ACVR1: variants seen among roughly 807,000 people sequenced by gnomAD.
ACVR1 encodes the protein activin receptor type-1.
Under a neutral mutation model 57.1 loss-of-function variants are expected in ACVR1, and 38 were observed. That is an observed-to-expected ratio of 0.67 (90% CI 0.51 to 0.87). ACVR1 has a LOEUF of 0.87. ACVR1 is among the 40% of genes least tolerant of loss of function. The pLI is 0.00. For missense variants in ACVR1, 463 were observed against 638.2 expected, an observed-to-expected ratio of 0.73 and a Z score of 2.96; for synonymous variants, 212 against 228.1, an observed-to-expected ratio of 0.93 and a Z score of 0.63.
intron 9 of ACVR1, among the ~76,000 whole-genome samples, chr2:157,749,946 T>C (rs762151984): frequency 2.0e-5 from 3 of 152,238 alleles, no homozygotes; most frequent in Non-Finnish European, 4.4e-5. Flanking sequence ...ATGTGCATCA[T>C]CTGGGTGCCT....
intron 6 of ACVR1, among the ~76,000 whole-genome samples, chr2:157,771,651 T>G (rs1265544058): frequency 6.6e-6 from 1 of 152,124 alleles, no homozygotes; most frequent in Non-Finnish European, 1.5e-5. Flanking sequence ...ACTAAGTCAC[T>G]GAAAACCCAA....
intron 8 of ACVR1, among the ~76,000 whole-genome samples, chr2:157,764,410 G>T (rs1685786117): frequency 7.0e-6 from 1 of 142,662 alleles, no homozygotes; most frequent in South Asian, 2.2e-4. Context: ...GTTTCATCAC[G>T]TTCGCCAGGC....
chr2:157,804,310 A>T (rs1687440001), intron 2 of ACVR1, among the ~76,000 whole-genome samples: 1 of 152,226 alleles, frequency 6.6e-6, no homozygotes, highest in Admixed American at 6.5e-5. Context: ...TAGAAATTTC[A>T]TTAACCTCTC....
chr2:157,758,847 G>A, intron 9 of ACVR1, among the ~76,000 whole-genome samples: 1 of 151,922 alleles, frequency 6.6e-6, no homozygotes, highest in Non-Finnish European at 1.5e-5. Context: ...AGAAACTCTG[G>A]AAACTGTACA....
At chr2:157,759,010 G>A (rs530564695) in intron 9 of ACVR1, among the ~76,000 whole-genome samples, 1 of 152,062 alleles carries the variant, frequency 6.6e-6, no homozygotes, top group African/African-American at 2.4e-5. Flanking sequence ...TAACAGGGAA[G>A]TCTGTAACAA....
chr2:157,823,021 CTTATT>C (rs1315898138), intron 1 of ACVR1, among the ~76,000 whole-genome samples: 2 of 152,188 alleles, frequency 1.3e-5, no homozygotes, highest in African/African-American at 4.8e-5. Context: ...TGCATATAAA[CTTATT>C]TTATTTGCAA....
chr2:157,767,944 T>G (rs1685928350), intron 7 of ACVR1, among the ~76,000 whole-genome samples: 1 of 152,166 alleles, frequency 6.6e-6, no homozygotes, highest in African/African-American at 2.4e-5. Context: ...TATGCAATCC[T>G]CCAAAAACCA....
chr2:157,772,065 C>A (rs1686089172), intron 6 of ACVR1, among the ~76,000 whole-genome samples: 1 of 152,084 alleles, frequency 6.6e-6, no homozygotes, highest in African/African-American at 2.4e-5. Flanking sequence ...TACAAAATTA[C>A]CTCAAATCCT....
chr2:157,769,122 G>A (rs573490277), intron 7 of ACVR1, among the ~76,000 whole-genome samples: 3 of 152,310 alleles, frequency 2.0e-5, no homozygotes, highest in South Asian at 4.1e-4. Context: ...GAGTGATCAA[G>A]AGCAACCTGA....
chr2:157,770,226 A>C (rs1686021155), intron 7 of ACVR1, 142 bp downstream of exon 7: 1 of 849,038 alleles, frequency 1.2e-6, no homozygotes, highest in South Asian at 1.6e-5. Context: ...TGAGAAAATT[A>C]AACAGCATAT....
At chr2:157,743,372 T>A (rs1684850341) in intron 9 of ACVR1, among the ~76,000 whole-genome samples, 1 of 152,140 alleles carries the variant, frequency 6.6e-6, no homozygotes, top group Non-Finnish European at 1.5e-5. Context: ...CTTGATCTAT[T>A]TATTTATAAT....
intron 8 of ACVR1, among the ~76,000 whole-genome samples, chr2:157,764,601 C>T (rs1685795019): frequency 6.6e-6 from 1 of 152,126 alleles, no homozygotes. Flanking sequence ...CCAACCCCAT[C>T]CGCCTTCGCC....
intron 1 of ACVR1, among the ~76,000 whole-genome samples, chr2:157,860,397 A>T (rs533851678): frequency 4.6e-5 from 7 of 152,356 alleles, no homozygotes; most frequent in Non-Finnish European, 1.0e-4. Context: ...TGTGTTCAGC[A>T]GAATGCTACC....
intron 9 of ACVR1, among the ~76,000 whole-genome samples, chr2:157,758,035 T>G (rs1463136527): frequency 1.3e-5 from 2 of 151,948 alleles, no homozygotes; most frequent in African/African-American, 4.8e-5. Flanking sequence ...AAATATAGAC[T>G]TGGTTAAATA....
intron 3 of ACVR1, among the ~76,000 whole-genome samples, chr2:157,781,047 T>G (rs1686502206): frequency 1.3e-5 from 2 of 152,216 alleles, no homozygotes; most frequent in African/African-American, 4.8e-5. Context: ...AATACTAATT[T>G]TTGCTAGCTC....
chr2:157,800,291 A>G (rs985794637), intron 2 of ACVR1, among the ~76,000 whole-genome samples: 2 of 152,114 alleles, frequency 1.3e-5, no homozygotes, highest in African/African-American at 2.4e-5. Flanking sequence ...AAAGAGTGGA[A>G]GCCCATTGCT....
intron 10 of ACVR1, 70 bp downstream of exon 10, chr2:157,738,370 T>A: frequency 6.2e-7 from 1 of 1,609,394 alleles, no homozygotes; most frequent in East Asian, 2.2e-5. Context: ...CAATACCAGT[T>A]GAAACTCAAA....
At chr2:157,739,279 C>G (rs79670360) in intron 9 of ACVR1, among the ~76,000 whole-genome samples, 2,815 of 152,192 alleles carry the variant, frequency 0.018, 78 homozygotes, top group African/African-American at 0.061. Flanking sequence ...TGTGGGAAGG[C>G]AGAGGAAAAG....
chr2:157,833,283 T>C (rs892070240), intron 1 of ACVR1, among the ~76,000 whole-genome samples: 2 of 152,192 alleles, frequency 1.3e-5, no homozygotes, highest in Admixed American at 1.3e-4. Context: ...GTCCAGCATA[T>C]ACTTGAGCTC....
Sources: allele counts gnomAD v4.1 joint callset (sites outside exome capture counted in the v4.1 genomes callset), GRCh38; gene constraint gnomAD v4.1.1; transcripts MANE v1.5; gene names NCBI Gene and HGNC (gene_info 2026-07-23, HGNC 2026-07-21).